SGPP2: variants seen among roughly 807,000 people sequenced by gnomAD.
SGPP2 encodes the protein sphingosine-1-phosphate phosphatase 2.
SGPP2 carries 30 observed loss-of-function variants against 33.9 expected under a neutral mutation model. The ratio of observed to expected loss-of-function variants is 0.89; its 90% CI spans 0.66 to 1.20. SGPP2 has a LOEUF of 1.20. Among genes scored for constraint, SGPP2 ranks in the 50% most tolerant of loss-of-function variants. SGPP2 has a pLI of 0.00. For missense variants in SGPP2, 458 were observed against 532.1 expected, an observed-to-expected ratio of 0.86 and a Z score of 1.37; for synonymous variants, 233 against 225.0, an observed-to-expected ratio of 1.04 and a Z score of -0.32.
At chr2:222,553,149 G>A (rs1172208802) in intron 4 of SGPP2, among the ~76,000 whole-genome samples, 3 of 152,218 alleles carry the variant, frequency 2.0e-5, no homozygotes, top group Non-Finnish European at 4.4e-5. Flanking sequence ...GTCACATTCA[G>A]CAAGTGCCTT....
At chr2:222,511,624 G>A (rs139620949) in intron 2 of SGPP2, among the ~76,000 whole-genome samples, 1,736 of 152,322 alleles carry the variant, frequency 0.011, 35 homozygotes, top group African/African-American at 0.039. Flanking sequence ...CAAGCCACAC[G>A]TTGAGTTAAT....
chr2:222,452,986 G>GTA (rs1697515537), intron 1 of SGPP2: 1 of 1,586,760 alleles, frequency 6.3e-7, no homozygotes, highest in African/African-American at 1.3e-5. Flanking sequence ...AGTACACACA[G>GTA]CTGGGTGGAA....
At chr2:222,443,517 A>G (rs943798288) in intron 1 of SGPP2, among the ~76,000 whole-genome samples, 3 of 152,208 alleles carry the variant, frequency 2.0e-5, no homozygotes, top group Non-Finnish European at 4.4e-5. Flanking sequence ...AAAGAAAAGG[A>G]TTTATGAGGG....
intron 2 of SGPP2, among the ~76,000 whole-genome samples, chr2:222,485,759 C>G (rs1698096569): frequency 6.6e-6 from 1 of 152,186 alleles, no homozygotes; most frequent in South Asian, 2.1e-4. Context: ...GTGTGAGTGA[C>G]AAGGAGCCTC....
chr2:222,483,289 G>A (rs6722708), intron 2 of SGPP2, among the ~76,000 whole-genome samples: 13,017 of 151,928 alleles, frequency 0.086, 872 homozygotes, highest in African/African-American at 0.17. Flanking sequence ...GCGTAATTGC[G>A]TGGCAAATAT....
chr2:222,444,309 C>T (rs1697368153), intron 1 of SGPP2, among the ~76,000 whole-genome samples: 1 of 152,144 alleles, frequency 6.6e-6, no homozygotes. Flanking sequence ...CCAGGATTTG[C>T]GTGGTAGGAG....
chr2:222,536,078 A>G (rs1389511122), intron 4 of SGPP2, among the ~76,000 whole-genome samples: 2 of 152,190 alleles, frequency 1.3e-5, no homozygotes, highest in South Asian at 2.1e-4. Flanking sequence ...TTTAAGACTA[A>G]GGGGTTGATG....
Position 222,559,209 on chromosome 2 carries a change from C to CT in SGPP2, c.*314dup. 1 of 285,982 alleles carries CT rather than the reference C, an allele frequency of 3.5e-6. No homozygotes were observed. The highest frequency in any genetic ancestry group is 7.4e-5 in the East Asian group (1 of 13,512). 17.7% of individuals were successfully genotyped at this position (285,982 alleles called of 1,614,324 possible). ...CCTGCTCCTCTCGCTGTTGCACGGG[C>CT]TTTGGATCTAGTCATGGGCTGGCAG... is the stretch of plus-strand genomic sequence containing the variant. On this transcript the variant is annotated 3_prime_UTR_variant, in exon 5 of 5. Transcript: ENST00000321276.
rs1350007851 is a variant in SGPP2 at position 222,550,567 on chromosome 2, A to G, written c.649-7780A>G. Among the ~76,000 whole-genome samples, 3 of 152,204 alleles carry G rather than the reference A, an allele frequency of 2.0e-5. No individual in the cohort carries two copies. In the East Asian group the frequency reaches 5.8e-4, roughly 29 times the overall value. On this transcript the variant is annotated intron_variant, in intron 4 of 4. Transcript: ENST00000321276. The surrounding 1 kb of genome is among the most constrained non-coding windows in gnomAD (Gnocchi z 4.5). The stretch of plus-strand genomic sequence containing the variant: ...TTTCTGTAAAGCTTGTATTCTGTTT[A>G]AAACATCTCACTTATGGTTACCTTG...
intron 2 of SGPP2, among the ~76,000 whole-genome samples, chr2:222,502,571 T>C (rs1015697762): frequency 2.0e-5 from 3 of 152,246 alleles, no homozygotes; most frequent in African/African-American, 7.2e-5. Flanking sequence ...TGTTGGAGTT[T>C]GGATTACAGA....
intron 1 of SGPP2, among the ~76,000 whole-genome samples, chr2:222,443,683 G>C (rs1297296242): frequency 1.3e-5 from 2 of 152,004 alleles, no homozygotes; most frequent in African/African-American, 4.8e-5. Context: ...CATTGGTTTT[G>C]GTGCTGTTGA....
chr2:222,449,252 C>T (rs1697444304), intron 1 of SGPP2, among the ~76,000 whole-genome samples: 2 of 152,182 alleles, frequency 1.3e-5, no homozygotes, highest in African/African-American at 4.8e-5. Flanking sequence ...AAAGAGCTCA[C>T]AGTTAACTGG....
chr2:222,511,732 G>C (rs1698532437), intron 2 of SGPP2, among the ~76,000 whole-genome samples: 3 of 152,136 alleles, frequency 2.0e-5, no homozygotes, highest in Non-Finnish European at 4.4e-5. Context: ...TGTCACCCAG[G>C]CTTGAGTGCA....
chr2:222,438,842 T>C (rs1486848833), intron 1 of SGPP2, among the ~76,000 whole-genome samples: 1 of 152,212 alleles, frequency 6.6e-6, no homozygotes. Flanking sequence ...GGTTTTGATT[T>C]ACTATTTTTC....
At chr2:222,436,872 G>T (rs1254984900) in intron 1 of SGPP2, among the ~76,000 whole-genome samples, 2 of 152,184 alleles carry the variant, frequency 1.3e-5, no homozygotes, top group Non-Finnish European at 2.9e-5. Flanking sequence ...CTCAGTGTTG[G>T]TCTCTGCTGC....
intron 1 of SGPP2, chr2:222,452,851 T>C: frequency 6.2e-7 from 1 of 1,608,046 alleles, no homozygotes; most frequent in Non-Finnish European, 8.5e-7. Context: ...TTCTGCCACC[T>C]CTTAGATTTC....
chr2:222,561,534 T>TTTA lies in SGPP2; in HGVS notation c.*2637_*2638insTAT, dbSNP rs1559181708. Reference sequence around the variant, plus strand: ...ATATATATGATATATATATATCATTTTATATATATATATATATCATATACA... The same window carrying TTTA: ...ATATATATGATATATATATATCATTTTTATATATATATATATATATCATATACA... On this transcript the variant is annotated 3_prime_UTR_variant, in exon 5 of 5. Transcript: ENST00000321276. Among the ~76,000 whole-genome samples the TTTA allele has an allele frequency of 5.9e-4, 86 of 145,890 alleles. No homozygotes were observed. The highest frequency in any genetic ancestry group is 2.0e-3 in the African/African-American group (78 of 39,776).
In SGPP2 at chr2:222,550,509, C is replaced by G. The variant is rs2106154953; in HGVS notation, c.649-7838C>G. 6.6e-6 allele frequency among the ~76,000 whole-genome samples: 1 copy of G among 152,214 alleles called. No individual in the cohort carries two copies. Among genetic ancestry groups the G allele is most frequent in the African/African-American group, 2.4e-5 (1 of 41,536 alleles). ...CCTTCTGACATTTTATCCATGCTTA[C>G]AAGTATATATTTATATAAAATTAGG... On this transcript the variant is annotated intron_variant, in intron 4 of 4. Transcript: ENST00000321276. The surrounding 1 kb of genome is among the most constrained non-coding windows in gnomAD (Gnocchi z 4.5).
chr2:222,467,580 C>T (rs78505216), intron 1 of SGPP2, among the ~76,000 whole-genome samples: 2,490 of 152,248 alleles, frequency 0.016, 70 homozygotes, highest in African/African-American at 0.057. Flanking sequence ...ATTTCCCTCT[C>T]CCCTAGGCCT....
Sources: gnomAD v4.1 joint callset for allele counts (sites outside exome capture counted in the v4.1 genomes callset) on GRCh38, gnomAD v4.1.1 for gene constraint, Gnocchi (gnomAD v3.1) non-coding constraint, MANE v1.5 for transcripts, NCBI Gene and HGNC (gene_info 2026-07-23, HGNC 2026-07-21) for gene names.